ANK2: variants seen among roughly 807,000 people sequenced by gnomAD.
ANK2 encodes ankyrin 2.
Under a neutral mutation model 360.5 loss-of-function variants are expected in ANK2, and 83 were observed. The ratio of observed to expected loss-of-function variants is 0.23; its 90% CI spans 0.19 to 0.28. The LOEUF is 0.28. ANK2 is among the 10% of genes least tolerant of loss of function. The probability of loss-of-function intolerance (pLI) is 1.00; values close to 1 mark genes in which losing one functional copy is unlikely to be tolerated. For synonymous variants in ANK2, 1,740 were observed against 1,759.5 expected (o/e 0.99, Z 0.28); for missense variants, 4,201 against 4,795.7 (o/e 0.88, Z 3.66).
At chr4:113,307,402 G>A (rs919245980) in intron 23 of ANK2, among the ~76,000 whole-genome samples, 39 of 146,376 alleles carry the variant, frequency 2.7e-4, no homozygotes, top group South Asian at 1.1e-3. Flanking sequence ...AGGAAGGGGA[G>A]CCATTCCACC....
chr4:112,730,846 T>TA, the ANK2 span, among the ~76,000 whole-genome samples: 334 of 134,902 alleles, frequency 2.5e-3, no homozygotes, highest in African/African-American at 3.5e-3. Flanking sequence ...ACACTGTCTC[T>TA]AAAAAAAAAA....
chr4:113,125,665 T>A lies in ANK2; in HGVS notation c.85-48751T>A, dbSNP rs948285326. Among the ~76,000 whole-genome samples the A allele has an allele frequency of 3.3e-5, 5 of 152,300 alleles. No individual in the cohort carries two copies. In the East Asian group the frequency reaches 9.7e-4, roughly 29 times the overall value. On this transcript the variant is annotated intron_variant, in intron 1 of 45. Coordinates refer to ENST00000357077, the MANE Select transcript of ANK2 (RefSeq NM_001148.6). ...TCTTTATGCTTCTGTGTCATTTTAA[T>A]TGTTTCTTTGCTTCCCTTTATTATT... is the stretch of plus-strand genomic sequence containing the variant.
chr4:113,304,822 A>T (rs1346388329), intron 23 of ANK2, among the ~76,000 whole-genome samples: 1 of 152,210 alleles, frequency 6.6e-6, no homozygotes, highest in Non-Finnish European at 1.5e-5. Flanking sequence ...CATATAAGGA[A>T]AAATGAGTAA....
intron 1 of ANK2, among the ~76,000 whole-genome samples, chr4:113,083,015 T>G (rs2083026741): frequency 6.6e-6 from 1 of 152,178 alleles, no homozygotes; most frequent in African/African-American, 2.4e-5. Context: ...CATTTGGCCC[T>G]TATCTGGAGA....
At position 113,229,742 on chromosome 4, in the gene ANK2, AG is replaced by A. The variant is rs139608632; in HGVS notation, c.385-2417del. On this transcript the variant is annotated intron_variant, in intron 4 of 45. Transcript: ENST00000357077. ...AGAATTCTTTGCCCTGCCCAGCCAG[AG>A]GAAGTCCCTCTAAAGCTCAGGACCC... is the stretch of plus-strand genomic sequence containing the variant. Among the ~76,000 whole-genome samples, 1,340 of 152,206 alleles carry A rather than the reference AG, an allele frequency of 8.8e-3. 22 individuals are homozygous for A. Among genetic ancestry groups the A allele is most frequent in the African/African-American group, 0.03 (1,265 of 41,536 alleles).
chr4:113,183,768 A>G (rs1475347209), intron 2 of ANK2, among the ~76,000 whole-genome samples: 1 of 152,050 alleles, frequency 6.6e-6, no homozygotes, highest in African/African-American at 2.4e-5. Flanking sequence ...GGTAGAGAAA[A>G]GAAGGAATCA....
At chr4:113,219,847 T>C (rs947080638) in intron 4 of ANK2, among the ~76,000 whole-genome samples, 58 of 152,304 alleles carry the variant, frequency 3.8e-4, no homozygotes, top group African/African-American at 1.4e-3. Flanking sequence ...AAACTATATT[T>C]TGGTATATAC....
intron 1 of ANK2, among the ~76,000 whole-genome samples, chr4:112,874,383 C>T (rs2074303109): frequency 6.6e-6 from 1 of 150,880 alleles, no homozygotes; most frequent in Admixed American, 6.6e-5. Flanking sequence ...GCAACTGGCC[C>T]ACACTTTTAA....
chr4:112,963,715 T>C (rs916081633), intron 2 of ANK2, among the ~76,000 whole-genome samples: 12 of 152,148 alleles, frequency 7.9e-5, no homozygotes, highest in Non-Finnish European at 1.3e-4. Flanking sequence ...ATATAGGTTA[T>C]AATAATATTG....
the ANK2 span, among the ~76,000 whole-genome samples, chr4:112,711,430 G>A: frequency 6.6e-6 from 1 of 152,132 alleles, no homozygotes; most frequent in Non-Finnish European, 1.5e-5. Context: ...AGCTGAGGTG[G>A]GATGATTGCT....
In ANK2 at chr4:113,187,450, A is replaced by T. The variant is rs919166330; in HGVS notation, c.187-8918A>T. Among the ~76,000 whole-genome samples, 3 of 152,162 alleles carry T rather than the reference A, an allele frequency of 2.0e-5. No individual in the cohort carries two copies. The East Asian group carries it at 5.8e-4, about 29-fold the overall frequency. ...CACTTTGGCCCTTTTTAACAACTCT[A>T]CTTTTAGTGAAATTTTTGCATCTTA... is the stretch of plus-strand genomic sequence containing the variant. On this transcript the variant is annotated intron_variant, in intron 2 of 45. Transcript: ENST00000357077.
At chr4:113,013,893 G>A (rs1022684841) in intron 2 of ANK2, among the ~76,000 whole-genome samples, 11 of 140,648 alleles carry the variant, frequency 7.8e-5, no homozygotes, top group African/African-American at 2.8e-4. Flanking sequence ...CATCTTAGTG[G>A]AACTTAAAAT....
intron 34 of ANK2, among the ~76,000 whole-genome samples, chr4:113,344,022 C>T (rs1260148642): frequency 6.6e-6 from 1 of 152,122 alleles, no homozygotes; most frequent in Non-Finnish European, 1.5e-5. Flanking sequence ...TTAAGTTTTT[C>T]CAAGATCTCT....
chr4:113,002,610 A>T (rs1410788497), intron 2 of ANK2, among the ~76,000 whole-genome samples: 1 of 152,198 alleles, frequency 6.6e-6, no homozygotes. Context: ...CTTGATCTCC[A>T]CCTGTACTAC....
intron 1 of ANK2, among the ~76,000 whole-genome samples, chr4:113,082,345 C>G (rs978174662): frequency 6.6e-4 from 100 of 151,572 alleles, no homozygotes; most frequent in African/African-American, 2.4e-3. Context: ...CACTATATTG[C>G]CCAGGATAGT....
chr4:113,203,737 A>G (rs868000814), intron 4 of ANK2, among the ~76,000 whole-genome samples: 7 of 152,280 alleles, frequency 4.6e-5, no homozygotes, highest in Admixed American at 1.3e-4. Flanking sequence ...TTACTTTATC[A>G]TTATTGATGA....
the ANK2 span, among the ~76,000 whole-genome samples, chr4:112,756,713 G>C: frequency 6.6e-6 from 1 of 152,140 alleles, no homozygotes; most frequent in Non-Finnish European, 1.5e-5. Context: ...TGGCTCATGC[G>C]TGTGATCCCA....
At chr4:113,380,881 A>C (rs922144960) in intron 45 of ANK2, among the ~76,000 whole-genome samples, 1 of 152,090 alleles carries the variant, frequency 6.6e-6, no homozygotes, top group African/African-American at 2.4e-5. Flanking sequence ...GCAGATCTTC[A>C]TCTTTTGTTG....
intron 23 of ANK2, among the ~76,000 whole-genome samples, chr4:113,308,669 A>C (rs572254508): frequency 6.6e-6 from 1 of 152,366 alleles, no homozygotes; most frequent in East Asian, 1.9e-4. Flanking sequence ...GAAATTAGCA[A>C]GCATCTGCTT....
Sources: allele counts gnomAD v4.1 joint callset (sites outside exome capture counted in the v4.1 genomes callset), GRCh38; gene constraint gnomAD v4.1.1; transcripts MANE v1.5; gene names NCBI Gene and HGNC (gene_info 2026-07-23, HGNC 2026-07-21).